Variants in NDFIP1 observed in about 807,000 individuals in gnomAD.
NDFIP1 encodes the protein Nedd4 family interacting protein 1.
A neutral mutation model predicts 28.8 loss-of-function variants in NDFIP1; 7 were observed. The observed-to-expected ratio is 0.24, with a 90% CI of 0.14 to 0.46. The LOEUF (loss-of-function observed/expected upper bound fraction) is 0.46. NDFIP1 is among the 20% of genes least tolerant of loss of function. NDFIP1 has a pLI of 0.99. For synonymous variants in NDFIP1, 92 were observed against 101.0 expected (o/e 0.91, Z 0.53); for missense variants, 194 against 269.1 (o/e 0.72, Z 1.95).
rs1387771323 is a variant in NDFIP1 at position 142,135,765 on chromosome 5, T to C, written c.318T>C (p.Asp106=). The part of the protein sequence containing the change: ...EDFVGRDDFD[D]ADQLRIGNDG... ...TTGTGGGTCGGGATGATTTTGATGA[T>C]GCTGACCAGCTGAGGATAGGAAATG... Residue 106 remains aspartate (D), a synonymous_variant, in exon 4 of 8, where the codon GAT becomes GAC. Coordinates refer to ENST00000253814, the MANE Select transcript of NDFIP1 (RefSeq NM_030571.4). 6.2e-7 allele frequency: 1 copy of C among 1,613,940 alleles called. No individual in the cohort carries two copies. The highest frequency in any genetic ancestry group is 1.1e-5 in the South Asian group (1 of 91,070).
chr5:142,121,921 C>T (rs572157178), intron 1 of NDFIP1, among the ~76,000 whole-genome samples: 2 of 152,352 alleles, frequency 1.3e-5, no homozygotes, highest in South Asian at 4.1e-4. Context: ...CTGTGCCACT[C>T]ACTGGTAAGT....
rs112510611 is a variant in NDFIP1, at chr5:142,117,329, C to G, written c.63+8292C>G. Among the ~76,000 whole-genome samples the G allele has an allele frequency of 8.1e-3, 1,234 of 151,516 alleles. 18 individuals carry two copies. The highest frequency in any genetic ancestry group is 0.029 in the African/African-American group (1,184 of 41,204). On this transcript the variant is annotated intron_variant, in intron 1 of 7. Coordinates refer to ENST00000253814, the MANE Select transcript of NDFIP1 (RefSeq NM_030571.4). ...CGAAATCTCAGCTCACTGCAACCTCCGCCTCCTGGGCTCAAGTGATTCTCC... is the reference window on the plus strand; with the variant it reads ...CGAAATCTCAGCTCACTGCAACCTCGGCCTCCTGGGCTCAAGTGATTCTCC...
At chr5:142,113,487 G>T (rs1401833108) in intron 1 of NDFIP1, among the ~76,000 whole-genome samples, 1 of 152,036 alleles carries the variant, frequency 6.6e-6, no homozygotes, top group Non-Finnish European at 1.5e-5. Context: ...TGGCCTACAT[G>T]GTCAGTGATC....
chr5:142,123,334 A>G (rs1436920011), intron 1 of NDFIP1, among the ~76,000 whole-genome samples: 2 of 151,420 alleles, frequency 1.3e-5, no homozygotes, highest in Non-Finnish European at 2.9e-5. Flanking sequence ...GGGTCTTGCT[A>G]TGTTGCCCAG....
intron 1 of NDFIP1, among the ~76,000 whole-genome samples, chr5:142,123,903 A>G (rs1198738305): frequency 6.6e-6 from 1 of 152,160 alleles, no homozygotes; most frequent in Non-Finnish European, 1.5e-5. Flanking sequence ...GAGAAAAAGA[A>G]CTCACATTAC....
At chr5:142,120,144 C>T (rs1757109113) in intron 1 of NDFIP1, among the ~76,000 whole-genome samples, 1 of 152,022 alleles carries the variant, frequency 6.6e-6, no homozygotes, top group South Asian at 2.1e-4. Context: ...TTAGTAGAGA[C>T]GGGGTTTCAC....
chr5:142,149,108 T>A (rs540874621), intron 7 of NDFIP1, among the ~76,000 whole-genome samples: 56 of 152,326 alleles, frequency 3.7e-4, no homozygotes, highest in African/African-American at 1.3e-3. Flanking sequence ...CTAGCATTAA[T>A]GAGCTAGGGC....
At chr5:142,132,090 G>A in intron 2 of NDFIP1, 122 bp from the exon 3 acceptor site, 1 of 1,215,314 alleles carries the variant, frequency 8.2e-7, no homozygotes, top group Non-Finnish European at 1.1e-6. Context: ...ATGTCTTTTG[G>A]TTCAATTGTT....
intron 1 of NDFIP1, among the ~76,000 whole-genome samples, chr5:142,122,520 G>A (rs1417168182): frequency 6.6e-6 from 1 of 152,164 alleles, no homozygotes; most frequent in Non-Finnish European, 1.5e-5. Flanking sequence ...ATAACTAGGA[G>A]TGGAATTGCT....
intron 1 of NDFIP1, among the ~76,000 whole-genome samples, chr5:142,111,594 T>C (rs1277258010): frequency 6.6e-6 from 1 of 152,230 alleles, no homozygotes; most frequent in Non-Finnish European, 1.5e-5. Context: ...CACACAGGGC[T>C]GTTCTGACTT....
intron 7 of NDFIP1, among the ~76,000 whole-genome samples, chr5:142,148,296 G>T (rs1757411314): frequency 6.6e-6 from 1 of 152,116 alleles, no homozygotes; most frequent in Non-Finnish European, 1.5e-5. Flanking sequence ...AAACATTAAA[G>T]CTCATGTACT....
At chr5:142,143,895 G>A (rs1757360695) in intron 6 of NDFIP1, 1 of 152,128 alleles carries the variant, frequency 6.6e-6, no homozygotes, top group Non-Finnish European at 1.5e-5. Flanking sequence ...TTGGGAAGCA[G>A]AGGCAGGAGG....
chr5:142,111,697 T>C (rs1320828244), intron 1 of NDFIP1, among the ~76,000 whole-genome samples: 1 of 152,220 alleles, frequency 6.6e-6, no homozygotes, highest in Non-Finnish European at 1.5e-5. Context: ...CAAACACAGT[T>C]TTGTCTTTAT....
chr5:142,121,534 C>T (rs563893916), intron 1 of NDFIP1, among the ~76,000 whole-genome samples: 8 of 152,286 alleles, frequency 5.3e-5, no homozygotes, highest in South Asian at 2.1e-4. Flanking sequence ...TTGTTTCACA[C>T]GTATTCTTTT....
intron 7 of NDFIP1, among the ~76,000 whole-genome samples, chr5:142,145,117 T>C (rs1182895605): frequency 1.3e-5 from 2 of 152,348 alleles, no homozygotes; most frequent in East Asian, 1.9e-4. Flanking sequence ...GAACTCCTTT[T>C]GTCTGGGCTG....
At chr5:142,117,887 CTT>C (rs1463326532) in intron 1 of NDFIP1, among the ~76,000 whole-genome samples, 1 of 152,084 alleles carries the variant, frequency 6.6e-6, no homozygotes, top group East Asian at 1.9e-4. Context: ...TTCAAATAGA[CTT>C]TACTTTTTGG....
intron 7 of NDFIP1, among the ~76,000 whole-genome samples, chr5:142,148,108 A>T (rs1454127667): frequency 2.0e-5 from 3 of 152,214 alleles, no homozygotes; most frequent in Admixed American, 2.0e-4. Flanking sequence ...TAACTTTACC[A>T]AAACAGAAAA....
At chr5:142,127,368 G>A (rs1407311810) in intron 1 of NDFIP1, among the ~76,000 whole-genome samples, 1 of 152,078 alleles carries the variant, frequency 6.6e-6, no homozygotes, top group East Asian at 1.9e-4. Flanking sequence ...GGTCATCAAG[G>A]CCAAAGGCAC....
chr5:142,139,482 G>A lies in NDFIP1; in HGVS notation c.496-1081G>A, dbSNP rs374923872. On this transcript the variant is annotated intron_variant, in intron 5 of 7. Coordinates refer to ENST00000253814, the MANE Select transcript of NDFIP1 (RefSeq NM_030571.4). ...CAGGGTTAAAAGATGGCAGTTTCAC[G>A]TATCAGTATTACATTGAAACACGAC... Among the ~76,000 whole-genome samples, 101 of 152,132 alleles carry A rather than the reference G, an allele frequency of 6.6e-4. 1 individual carries two copies. In the South Asian group the frequency reaches 0.017, roughly 25 times the overall value.
Sources: gnomAD v4.1 joint callset for allele counts (sites outside exome capture counted in the v4.1 genomes callset) on GRCh38, gnomAD v4.1.1 for gene constraint, MANE v1.5 for transcripts, NCBI Gene and HGNC (gene_info 2026-07-23, HGNC 2026-07-21) for gene names.